Variants in RANBP2 observed in about 807,000 individuals in gnomAD.
The protein encoded by RANBP2 is E3 SUMO-protein ligase RanBP2.
RANBP2 carries 57 observed loss-of-function variants against 303.6 expected under a neutral mutation model. That is an observed-to-expected ratio of 0.19 (90% CI 0.15 to 0.23). The LOEUF is 0.23. Ranked by LOEUF, RANBP2 falls within the 10% of genes least tolerant of loss-of-function variation. RANBP2 has a pLI of 1.00. For synonymous variants in RANBP2, 1,167 were observed against 1,301.5 expected (o/e 0.90, Z 2.23); for missense variants, 3,138 against 3,780.8 (o/e 0.83, Z 4.46).
the RANBP2 span, among the ~76,000 whole-genome samples, chr2:109,730,789 T>C: frequency 1.5e-5 from 2 of 134,812 alleles, no homozygotes; most frequent in Non-Finnish European, 3.1e-5. Flanking sequence ...TTTTTTTTTT[T>C]TTTTTTTTTT....
At chr2:108,980,447 C>T in the RANBP2 span, among the ~76,000 whole-genome samples, 1 of 151,926 alleles carries the variant, frequency 6.6e-6, no homozygotes, top group Non-Finnish European at 1.5e-5. Flanking sequence ...TATTACTCAC[C>T]AAGTTCTAGG....
chr2:108,992,531 G>T, the RANBP2 span, among the ~76,000 whole-genome samples: 5 of 152,196 alleles, frequency 3.3e-5, no homozygotes, highest in Admixed American at 3.3e-4. Flanking sequence ...AGATGCTCCT[G>T]TCTGGCAGCT....
At chr2:108,740,466 T>C (rs1372863441) in intron 6 of RANBP2, 23 bp from the exon 7 acceptor site, 1 of 1,597,380 alleles carries the variant, frequency 6.3e-7, no homozygotes, top group South Asian at 1.1e-5. Flanking sequence ...GTGTATTATC[T>C]GTTTGATATT....
At chr2:109,391,953 G>A in the RANBP2 span, among the ~76,000 whole-genome samples, 2 of 152,040 alleles carry the variant, frequency 1.3e-5, no homozygotes, top group East Asian at 3.9e-4. Context: ...GAGTAGCCAG[G>A]ACCACAGGTG....
At chr2:109,424,748 G>A in the RANBP2 span, among the ~76,000 whole-genome samples, 3 of 152,104 alleles carry the variant, frequency 2.0e-5, no homozygotes, top group African/African-American at 7.2e-5. Flanking sequence ...CGGCTCCACG[G>A]ACCCACCGTT....
At chr2:109,222,572 C>G in the RANBP2 span, among the ~76,000 whole-genome samples, 1 of 152,178 alleles carries the variant, frequency 6.6e-6, no homozygotes, top group Non-Finnish European at 1.5e-5. Flanking sequence ...AGAGCAGGCC[C>G]TGGGCTTAGC....
the RANBP2 span, among the ~76,000 whole-genome samples, chr2:108,937,106 G>A: frequency 6.6e-6 from 1 of 152,362 alleles, no homozygotes. Flanking sequence ...TGGAGTGGAG[G>A]GTGACGCTGA....
At chr2:109,007,522 C>T in the RANBP2 span, among the ~76,000 whole-genome samples, 162 of 152,356 alleles carry the variant, frequency 1.1e-3, no homozygotes, top group Non-Finnish European at 1.7e-3. Context: ...TAAAGGCATA[C>T]TGCTGCCCTG....
intron 6 of RANBP2, among the ~76,000 whole-genome samples, chr2:108,738,520 C>T (rs941126618): frequency 2.0e-5 from 3 of 151,800 alleles, no homozygotes; most frequent in Non-Finnish European, 2.9e-5. Flanking sequence ...CCACTGCACC[C>T]GGCTGTATGT....
chr2:109,390,969 G>A, the RANBP2 span, among the ~76,000 whole-genome samples: 1 of 152,208 alleles, frequency 6.6e-6, no homozygotes, highest in Non-Finnish European at 1.5e-5. Flanking sequence ...CTGCAGCTTG[G>A]CCAACTGCCC....
chr2:109,199,608 GGA>G, the RANBP2 span, among the ~76,000 whole-genome samples: 2 of 234 alleles, frequency 8.5e-3, no homozygotes, highest in African/African-American at 0.012. Context: ...GGAATGGAAT[GGA>G]ATGGAATGGA....
chr2:109,675,586 G>A, the RANBP2 span, among the ~76,000 whole-genome samples: 1 of 152,132 alleles, frequency 6.6e-6, no homozygotes. Context: ...GGAGGCTGAG[G>A]CAGGAGAATC....
chr2:109,627,833 C>T, the RANBP2 span, among the ~76,000 whole-genome samples: 13 of 152,280 alleles, frequency 8.5e-5, no homozygotes, highest in Non-Finnish European at 1.3e-4. Flanking sequence ...TGTAAATAGA[C>T]GGTCTATTCT....
At chr2:109,301,011 G>C in the RANBP2 span, among the ~76,000 whole-genome samples, 10 of 152,212 alleles carry the variant, frequency 6.6e-5, no homozygotes, top group Admixed American at 1.3e-4. Flanking sequence ...TCTGCAGAGG[G>C]GCAGGGTGTC....
the RANBP2 span, among the ~76,000 whole-genome samples, chr2:109,687,195 A>G: frequency 6.6e-6 from 1 of 152,112 alleles, no homozygotes; most frequent in East Asian, 1.9e-4. Flanking sequence ...CTTGCCCGCC[A>G]CTTGTAGGGC....
At chr2:109,457,860 C>A in the RANBP2 span, among the ~76,000 whole-genome samples, 1 of 152,144 alleles carries the variant, frequency 6.6e-6, no homozygotes, top group African/African-American at 2.4e-5. Flanking sequence ...CACATCAGAC[C>A]CAGCCGTCTG....
chr2:108,751,470 A>T (rs1239119317), intron 10 of RANBP2, 25 bp downstream of exon 10: 1 of 1,611,696 alleles, frequency 6.2e-7, no homozygotes, highest in Non-Finnish European at 8.5e-7. Flanking sequence ...TAACAAATTA[A>T]ATATTCTGAA....
chr2:108,858,030 T>C, the RANBP2 span, among the ~76,000 whole-genome samples: 1 of 152,220 alleles, frequency 6.6e-6, no homozygotes, highest in Non-Finnish European at 1.5e-5. Flanking sequence ...CAGTCACATT[T>C]GTTTACCATT....
At chr2:109,128,905 G>T in the RANBP2 span, 1 of 333,806 alleles carries the variant, frequency 3.0e-6, no homozygotes. Context: ...TTGCGCCCAA[G>T]CGAAGGGAAG....
Sources: allele counts gnomAD v4.1 joint callset (sites outside exome capture counted in the v4.1 genomes callset), GRCh38; gene constraint gnomAD v4.1.1; transcripts MANE v1.5; gene names NCBI Gene and HGNC (gene_info 2026-07-23, HGNC 2026-07-21).